Variants in ASTN2 observed in about 807,000 individuals in gnomAD.
The protein encoded by ASTN2 is astrotactin-2.
In ASTN2, 54 loss-of-function variants were observed where a neutral mutation model predicts 139.8. The observed-to-expected ratio is 0.39, with a 90% CI of 0.31 to 0.48. ASTN2 has a LOEUF of 0.48. ASTN2 is among the 20% of genes least tolerant of loss of function. The probability of loss-of-function intolerance (pLI) is 0.95; values close to 1 mark genes in which losing one functional copy is unlikely to be tolerated. For synonymous variants in ASTN2, 756 were observed against 719.5 expected, an observed-to-expected ratio of 1.05 and a Z score of -0.81; for missense variants, 1,565 against 1,725.1, an observed-to-expected ratio of 0.91 and a Z score of 1.64.
chr9:116,893,831 C>T (rs1260938107), intron 10 of ASTN2, among the ~76,000 whole-genome samples: 1 of 152,164 alleles, frequency 6.6e-6, no homozygotes, highest in East Asian at 1.9e-4. Context: ...AAGCCCACTG[C>T]CAGGTTAACT....
intron 5 of ASTN2, among the ~76,000 whole-genome samples, chr9:117,084,764 G>A (rs904950616): frequency 5.9e-5 from 9 of 152,306 alleles, no homozygotes; most frequent in South Asian, 2.1e-4. Context: ...GTTGTTGGCT[G>A]ATATATCAAG....
At chr9:116,641,420 T>TC (rs772316396) in intron 17 of ASTN2, among the ~76,000 whole-genome samples, 1 of 152,144 alleles carries the variant, frequency 6.6e-6, no homozygotes, top group Non-Finnish European at 1.5e-5. Context: ...ATTTAGCTTC[T>TC]CCATGCCTCA....
chr9:117,404,015 C>T (rs1830913005), intron 1 of ASTN2, among the ~76,000 whole-genome samples: 1 of 152,090 alleles, frequency 6.6e-6, no homozygotes, highest in Non-Finnish European at 1.5e-5. Flanking sequence ...TGATTCATAC[C>T]TCCACCTCCT....
chr9:116,566,980 G>A (rs1853267131), intron 19 of ASTN2, among the ~76,000 whole-genome samples: 1 of 152,152 alleles, frequency 6.6e-6, no homozygotes, highest in Non-Finnish European at 1.5e-5. Context: ...ATCCTTTGAT[G>A]TTTTATCCCA....
chr9:117,353,045 G>C (rs940871204), intron 1 of ASTN2, among the ~76,000 whole-genome samples: 10 of 152,214 alleles, frequency 6.6e-5, no homozygotes, highest in African/African-American at 2.4e-4. Flanking sequence ...AATGATTGCA[G>C]AGAGTTTTTA....
chr9:116,994,137 A>G (rs1241458228), intron 7 of ASTN2, among the ~76,000 whole-genome samples: 3 of 152,098 alleles, frequency 2.0e-5, no homozygotes, highest in Admixed American at 1.3e-4. Flanking sequence ...TAGACCAGGA[A>G]TTGGCAAAAT....
chr9:116,770,113 A>G (rs1390333394), intron 13 of ASTN2, among the ~76,000 whole-genome samples: 1 of 151,678 alleles, frequency 6.6e-6, no homozygotes. Context: ...TAAAAAAAAA[A>G]AAAAAACTAA....
chr9:117,276,511 A>G (rs1156258591), intron 2 of ASTN2, among the ~76,000 whole-genome samples: 1 of 152,204 alleles, frequency 6.6e-6, no homozygotes, highest in Non-Finnish European at 1.5e-5. Flanking sequence ...AGCCACCAAC[A>G]TATTTCACTC....
At chr9:117,390,028 C>G (rs1027967423) in intron 1 of ASTN2, among the ~76,000 whole-genome samples, 2 of 152,128 alleles carry the variant, frequency 1.3e-5, no homozygotes, top group Non-Finnish European at 2.9e-5. Flanking sequence ...AGCAGTGGCT[C>G]TCAACCCAGG....
rs184932191 is a variant in ASTN2, at chr9:116,464,898, C to G, written c.3498-22345G>C. 3.5e-4 allele frequency among the ~76,000 whole-genome samples: 54 copies of G among 152,340 alleles called. No homozygotes were observed. The East Asian group carries it at 3.9e-3, about 11-fold the overall frequency. ...ACAATGGGTGCGATATGCCTGATGTCTATTTTCCTAAGAAACTTGCAAAGA... is the reference window on the plus strand; with the variant it reads ...ACAATGGGTGCGATATGCCTGATGTGTATTTTCCTAAGAAACTTGCAAAGA... On this transcript the variant is annotated intron_variant, in intron 20 of 22. Transcript: ENST00000313400.
intron 1 of ASTN2, among the ~76,000 whole-genome samples, chr9:117,400,462 T>C (rs1214192866): frequency 1.3e-5 from 2 of 151,582 alleles, no homozygotes; most frequent in African/African-American, 4.9e-5. Flanking sequence ...GTCAGGACAA[T>C]AAAAGAGAGA....
intron 2 of ASTN2, 124 bp downstream of exon 2, chr9:117,291,202 C>T: frequency 8.0e-7 from 1 of 1,256,040 alleles, no homozygotes; most frequent in Non-Finnish European, 1.1e-6. Context: ...TTCTGTTTCT[C>T]ATTCTAACCT....
intron 16 of ASTN2, chr9:116,687,022 G>GA (rs1454481675): frequency 2.1e-5 from 29 of 1,385,300 alleles, no homozygotes; most frequent in Non-Finnish European, 2.7e-5. Context: ...GGTAGACATT[G>GA]AGACTGGAGT....
At chr9:117,286,280 A>G (rs1452209835) in intron 2 of ASTN2, among the ~76,000 whole-genome samples, 2 of 152,140 alleles carry the variant, frequency 1.3e-5, no homozygotes, top group Non-Finnish European at 1.5e-5. Flanking sequence ...AGAAACAAGA[A>G]GTTGTGATCA....
In ASTN2 at chr9:116,626,154, G is replaced by GTTTTTT. The variant is rs751026997; in HGVS notation, c.3073-5717_3073-5712dup. On this transcript the variant is annotated intron_variant, in intron 17 of 22. Transcript: ENST00000313400. ...ACCACCATGCCTGGTTAGTTTTTGT[G>GTTTTTT]TTTTTTTTTTTTTTTTTTTTTTTTT... 7.9e-3 allele frequency among the ~76,000 whole-genome samples: 271 copies of GTTTTTT among 34,456 alleles called. 8 individuals are homozygous for GTTTTTT. The highest frequency in any genetic ancestry group is 0.011 in the Non-Finnish European group (205 of 17,920). The allele number at this position is 34,456 out of a possible 152,430, so 22.6% of individuals were successfully genotyped here.
intron 1 of ASTN2, among the ~76,000 whole-genome samples, chr9:117,321,980 T>C (rs534147959): frequency 3.9e-5 from 6 of 152,288 alleles, no homozygotes; most frequent in Non-Finnish European, 7.3e-5. Context: ...ACTAATCCAA[T>C]TAATACAAAG....
intron 3 of ASTN2, among the ~76,000 whole-genome samples, chr9:117,150,038 A>G (rs1830292563): frequency 6.6e-6 from 1 of 152,190 alleles, no homozygotes; most frequent in Non-Finnish European, 1.5e-5. Flanking sequence ...GTCAGTTAAT[A>G]CTGCAGACTT....
intron 7 of ASTN2, among the ~76,000 whole-genome samples, chr9:117,005,167 C>A (rs1006176717): frequency 1.6e-5 from 1 of 64,228 alleles, no homozygotes; most frequent in African/African-American, 4.3e-5. Flanking sequence ...TTCACTATAA[C>A]CTTCACCTCC....
At chr9:116,702,256 G>A (rs991736396) in intron 16 of ASTN2, among the ~76,000 whole-genome samples, 12 of 151,840 alleles carry the variant, frequency 7.9e-5, no homozygotes, top group Admixed American at 7.2e-4. Flanking sequence ...TTCATTCCTG[G>A]AATATTCCAT....
Sources: gnomAD v4.1 joint callset for allele counts (sites outside exome capture counted in the v4.1 genomes callset) on GRCh38, gnomAD v4.1.1 for gene constraint, MANE v1.5 for transcripts, NCBI Gene and HGNC (gene_info 2026-07-23, HGNC 2026-07-21) for gene names.